Variants in MEGF11 observed in about 807,000 individuals in gnomAD.
MEGF11 encodes the protein multiple EGF like domains 11.
A neutral mutation model predicts 146.6 loss-of-function variants in MEGF11; 126 were observed. That is an observed-to-expected ratio of 0.86 (90% confidence interval 0.74 to 1.00). MEGF11 has a LOEUF of 1.00. Ranked by LOEUF, MEGF11 falls within the 50% of genes least tolerant of loss-of-function variation. The pLI is 0.00. For missense variants in MEGF11, 1,509 were observed against 1,521.2 expected, an observed-to-expected ratio of 0.99 and a Z score of 0.13; for synonymous variants, 532 against 583.4, an observed-to-expected ratio of 0.91 and a Z score of 1.27.
chr15:66,134,027 G>A (rs1185880419), intron 1 of MEGF11, among the ~76,000 whole-genome samples: 1 of 152,036 alleles, frequency 6.6e-6, no homozygotes, highest in Non-Finnish European at 1.5e-5. Flanking sequence ...GGGAAGCCTC[G>A]GGCTGCAAAT....
intron 12 of MEGF11, among the ~76,000 whole-genome samples, chr15:65,928,944 C>A (rs370611581): frequency 9.2e-5 from 14 of 151,984 alleles, no homozygotes; most frequent in African/African-American, 4.8e-5. Flanking sequence ...TCTTTGTTGC[C>A]GGGGAAGAAG....
intron 1 of MEGF11, among the ~76,000 whole-genome samples, chr15:66,130,196 G>A (rs748135012): frequency 6.6e-5 from 10 of 152,188 alleles, no homozygotes; most frequent in Non-Finnish European, 1.3e-4. Context: ...GAGCCTGCCC[G>A]GGACATGGCA....
At chr15:66,247,480 C>A (rs1370001008) in intron 1 of MEGF11, among the ~76,000 whole-genome samples, 1 of 152,154 alleles carries the variant, frequency 6.6e-6, no homozygotes, top group Non-Finnish European at 1.5e-5. Context: ...AATTCAAACC[C>A]ATGTCTTGAG....
At chr15:66,128,250 C>T (rs2088470193) in intron 2 of MEGF11, 56 bp downstream of exon 2, 1 of 1,212,650 alleles carries the variant, frequency 8.2e-7, no homozygotes, top group South Asian at 1.9e-5. Flanking sequence ...TCCCCTACTG[C>T]CATGCCCAGG....
chr15:66,047,675 T>G (rs2084267610), intron 5 of MEGF11, among the ~76,000 whole-genome samples: 1 of 152,168 alleles, frequency 6.6e-6, no homozygotes, highest in Non-Finnish European at 1.5e-5. Flanking sequence ...AAACCACCAG[T>G]GAAGCTGCTT....
At chr15:65,899,683 G>A (rs767981975) in intron 24 of MEGF11, among the ~76,000 whole-genome samples, 1 of 152,196 alleles carries the variant, frequency 6.6e-6, no homozygotes. Context: ...TAAAAAGCAC[G>A]TCAGTCTTAA....
At chr15:65,959,558 T>C (rs1434386781) in intron 9 of MEGF11, among the ~76,000 whole-genome samples, 1 of 152,194 alleles carries the variant, frequency 6.6e-6, no homozygotes, top group Admixed American at 6.5e-5. Flanking sequence ...AAGTCTTTAA[T>C]ACTTTAATAC....
intron 1 of MEGF11, among the ~76,000 whole-genome samples, chr15:66,223,066 G>T (rs1217573943): frequency 6.6e-6 from 1 of 152,206 alleles, no homozygotes; most frequent in Non-Finnish European, 1.5e-5. Context: ...ATTCATAATA[G>T]CCAGGAAGCA....
chr15:65,970,076 G>A (rs1332690173), intron 8 of MEGF11, among the ~76,000 whole-genome samples: 1 of 152,122 alleles, frequency 6.6e-6, no homozygotes, highest in African/African-American at 2.4e-5. Context: ...TTCATTCCAG[G>A]ACATTGGCAC....
chr15:66,143,239 G>A (rs760386013), intron 1 of MEGF11, among the ~76,000 whole-genome samples: 4 of 152,222 alleles, frequency 2.6e-5, no homozygotes, highest in Non-Finnish European at 5.9e-5. Context: ...TCACACAGCT[G>A]ATCATAGCAG....
Position 65,986,250 on chromosome 15 carries a change from G to A in MEGF11, c.395-3762C>T, listed in dbSNP as rs78423360. Among the ~76,000 whole-genome samples, 987 of 152,194 alleles carry A rather than the reference G, an allele frequency of 6.5e-3. 4 individuals are homozygous for A. The highest frequency in any genetic ancestry group is 0.012 in the Non-Finnish European group (789 of 68,018). On this transcript the variant is annotated intron_variant, in intron 5 of 25. Transcript: ENST00000395614. ...TTGTGGCTCAGGACAATGTCTGCAT[G>A]TTTTATGGGGCTCCTAAAAAGTATG...
intron 5 of MEGF11, among the ~76,000 whole-genome samples, chr15:66,040,695 C>T (rs1355722900): frequency 1.3e-5 from 2 of 152,108 alleles, no homozygotes; most frequent in African/African-American, 4.8e-5. Context: ...ATTCCAGGGC[C>T]TGTCCCTCAT....
At chr15:66,008,433 A>G (rs8029858) in intron 5 of MEGF11, among the ~76,000 whole-genome samples, 2 of 147,796 alleles carry the variant, frequency 1.4e-5, no homozygotes, top group Admixed American at 6.7e-5. Flanking sequence ...ACACACACAC[A>G]CACACACACA....
chr15:65,974,435 A>G (rs1180646351), intron 7 of MEGF11, among the ~76,000 whole-genome samples: 2 of 152,174 alleles, frequency 1.3e-5, no homozygotes, highest in African/African-American at 4.8e-5. Flanking sequence ...AGGCAGGTGA[A>G]TCATTTGAGG....
chr15:65,929,796 G>A lies in MEGF11; in HGVS notation c.1496C>T (p.Ala499Val). Reference protein sequence around the residue: ...CNESCTCANGAACSPIDGSCS... With the variant: ...CNESCTCANGVACSPIDGSCS... ...GGAGCCGTCTATGGGGCTGCAGGCT[G>A]CCCCATTGGCACAGGTGCAGCTCTC... is the stretch of plus-strand genomic sequence containing the variant. Residue 499 changes from alanine (A) to valine (V), a missense_variant, in exon 12 of 26, where the codon GCA becomes GTA. Physicochemically the swap from Ala to Val is moderately conservative, Grantham distance 64. Coordinates refer to ENST00000395614, the MANE Select transcript of MEGF11 (RefSeq NM_001385028.1). The A allele has an allele frequency of 1.3e-6, 2 of 1,567,940 alleles. No individual in the cohort carries two copies. Among genetic ancestry groups the A allele is most frequent in the Non-Finnish European group, 1.7e-6 (2 of 1,156,432 alleles).
At chr15:66,107,060 C>CCGCCT (rs111544754) in intron 4 of MEGF11, among the ~76,000 whole-genome samples, 23 of 150,840 alleles carry the variant, frequency 1.5e-4, no homozygotes, top group African/African-American at 5.2e-4. Context: ...TCCTACCCCC[C>CCGCCT]CACCAGGTAT....
chr15:66,086,110 A>T (rs1297236473), intron 5 of MEGF11, among the ~76,000 whole-genome samples: 1 of 152,166 alleles, frequency 6.6e-6, no homozygotes, highest in Non-Finnish European at 1.5e-5. Context: ...TCCAACAAAG[A>T]CAAAGAAAAA....
At chr15:66,174,187 T>A (rs189109020) in intron 1 of MEGF11, among the ~76,000 whole-genome samples, 62 of 152,178 alleles carry the variant, frequency 4.1e-4, no homozygotes, top group Non-Finnish European at 7.6e-4. Context: ...CATCAGCAAA[T>A]CCTATTTCCA....
chr15:65,980,654 C>A, intron 7 of MEGF11, 124 bp downstream of exon 7: 1 of 1,337,708 alleles, frequency 7.5e-7, no homozygotes, highest in Non-Finnish European at 9.8e-7. Flanking sequence ...GGGCCTCGGC[C>A]TCCCAAAGTG....
Sources: allele counts gnomAD v4.1 joint callset (sites outside exome capture counted in the v4.1 genomes callset), GRCh38; gene constraint gnomAD v4.1.1; transcripts MANE v1.5; gene names NCBI Gene and HGNC (gene_info 2026-07-23, HGNC 2026-07-21).